The following KCNJ6 variants were observed in gnomAD, a reference collection of about 807,000 sequenced individuals.
KCNJ6 encodes potassium inwardly rectifying channel subfamily J member 6.
KCNJ6 carries 9 observed loss-of-function variants against 34.2 expected under a neutral mutation model. The observed-to-expected ratio is 0.26, with a 90% CI of 0.16 to 0.46. The LOEUF is 0.46. Among genes scored for constraint, KCNJ6 ranks in the 20% least tolerant of loss-of-function variants. KCNJ6 has a pLI of 1.00. For missense variants in KCNJ6, 236 were observed against 531.3 expected (o/e 0.44, Z 5.46); for synonymous variants, 196 against 207.1 (o/e 0.95, Z 0.46).
chr21:37,875,055 G>A (rs1255067884), intron 1 of KCNJ6, among the ~76,000 whole-genome samples: 5 of 152,126 alleles, frequency 3.3e-5, no homozygotes, highest in African/African-American at 9.7e-5. Flanking sequence ...GTCTGTTTCC[G>A]ACGATTGGCG....
At chr21:37,774,211 G>A (rs2055130981) in intron 2 of KCNJ6, among the ~76,000 whole-genome samples, 1 of 151,948 alleles carries the variant, frequency 6.6e-6, no homozygotes, top group African/African-American at 2.4e-5. Flanking sequence ...AATCTCTCTG[G>A]GCCTCAGTTT....
intron 3 of KCNJ6, among the ~76,000 whole-genome samples, chr21:37,667,160 A>AAAG (rs1445271508): frequency 9.4e-6 from 1 of 106,668 alleles, no homozygotes; most frequent in African/African-American, 3.0e-5. Flanking sequence ...ATACTAAAAA[A>AAAG]AAAAAAAAAA....
chr21:37,676,818 A>G (rs1028639011), intron 3 of KCNJ6, among the ~76,000 whole-genome samples: 6 of 152,246 alleles, frequency 3.9e-5, no homozygotes, highest in African/African-American at 1.4e-4. Context: ...CCCCTGCAAC[A>G]GAGAGTGACC....
intron 2 of KCNJ6, among the ~76,000 whole-genome samples, chr21:37,790,188 T>C (rs753982096): frequency 2.6e-5 from 4 of 152,206 alleles, no homozygotes; most frequent in Non-Finnish European, 5.9e-5. Context: ...AGCATCAATC[T>C]TAGTGCTTTT....
chr21:37,741,783 T>C (rs551729351), intron 2 of KCNJ6, among the ~76,000 whole-genome samples: 5 of 152,352 alleles, frequency 3.3e-5, no homozygotes, highest in African/African-American at 1.2e-4. Context: ...TCTCCATCTT[T>C]CACCCCACTG....
rs192599666 is a variant in KCNJ6, at chr21:37,872,400, G to T, written c.-27-31691C>A. 3.3e-5 allele frequency among the ~76,000 whole-genome samples: 5 copies of T among 152,290 alleles called. No individual in the cohort carries two copies. The East Asian group carries it at 7.7e-4, about 24-fold the overall frequency. On this transcript the variant is annotated intron_variant, in intron 1 of 3. Coordinates refer to ENST00000609713, the MANE Select transcript of KCNJ6 (RefSeq NM_002240.5). ...GGATCTTACAAAGTCAAAGGGCAAGGCTTCCTCTGTGTCACCGGCATTAGT... is the reference window on the plus strand; with the variant it reads ...GGATCTTACAAAGTCAAAGGGCAAGTCTTCCTCTGTGTCACCGGCATTAGT...
chr21:37,814,574 C>T (rs533627141), intron 2 of KCNJ6, among the ~76,000 whole-genome samples: 20 of 152,168 alleles, frequency 1.3e-4, no homozygotes, highest in Non-Finnish European at 2.8e-4. Context: ...ATGTGGTATA[C>T]GTACACAATG....
intron 1 of KCNJ6, among the ~76,000 whole-genome samples, chr21:37,869,992 CA>C (rs1360330585): frequency 6.6e-6 from 1 of 152,084 alleles, no homozygotes; most frequent in Non-Finnish European, 1.5e-5. Flanking sequence ...GAGGGTAGGC[CA>C]AGACAAGGCA....
intron 1 of KCNJ6, among the ~76,000 whole-genome samples, chr21:37,905,520 A>G (rs754134937): frequency 2.0e-4 from 30 of 152,184 alleles, no homozygotes; most frequent in Non-Finnish European, 3.7e-4. Flanking sequence ...CTCATAGGAA[A>G]GCCCTCTTTC....
chr21:37,754,772 C>G (rs2055015339), intron 2 of KCNJ6, among the ~76,000 whole-genome samples: 1 of 152,174 alleles, frequency 6.6e-6, no homozygotes, highest in South Asian at 2.1e-4. Flanking sequence ...ACATTTCCTG[C>G]CTAAGATATT....
intron 3 of KCNJ6, among the ~76,000 whole-genome samples, chr21:37,690,340 T>C (rs183618694): frequency 1.3e-5 from 2 of 152,330 alleles, no homozygotes; most frequent in East Asian, 3.9e-4. Context: ...TTGTCAATGA[T>C]ACATAAAAAG....
chr21:37,650,488 A>G (rs1214978980), intron 3 of KCNJ6, among the ~76,000 whole-genome samples: 1 of 152,042 alleles, frequency 6.6e-6, no homozygotes, highest in Non-Finnish European at 1.5e-5. Context: ...CTCAACAAAG[A>G]CGGCAACTGG....
Position 37,878,776 on chromosome 21 carries a change from G to A in KCNJ6, c.-28+37108C>T, listed in dbSNP as rs138960130. Among the ~76,000 whole-genome samples, 804 of 152,278 alleles carry A rather than the reference G, an allele frequency of 5.3e-3. 4 individuals carry two copies. The highest frequency in any genetic ancestry group is 9.1e-3 in the Non-Finnish European group (617 of 68,008). On this transcript the variant is annotated intron_variant, in intron 1 of 3. Transcript: ENST00000609713. The stretch of plus-strand genomic sequence containing the variant: ...GGGAAAGAGGGTCCGGGAGGGAAAG[G>A]TAGAGCGGTATGTGGGAGGGGGACA...
At chr21:37,762,361 G>A (rs1190948981) in intron 2 of KCNJ6, among the ~76,000 whole-genome samples, 3 of 152,200 alleles carry the variant, frequency 2.0e-5, no homozygotes, top group Non-Finnish European at 4.4e-5. Context: ...GCCCTTTAGA[G>A]TAAGGGATGT....
At chr21:37,823,947 C>CTAGAAAG (rs147975065) in intron 2 of KCNJ6, among the ~76,000 whole-genome samples, 1 of 104,538 alleles carries the variant, frequency 9.6e-6, no homozygotes, top group Non-Finnish European at 2.2e-5. Context: ...CTTGAAATTG[C>CTAGAAAG]TAGATCTTAA....
At chr21:37,897,236 T>C (rs971984326) in intron 1 of KCNJ6, among the ~76,000 whole-genome samples, 1 of 152,178 alleles carries the variant, frequency 6.6e-6, no homozygotes, top group Non-Finnish European at 1.5e-5. Context: ...CCCCCATTGG[T>C]GCGTGGACTC....
At chr21:37,872,369 G>A (rs573016214) in intron 1 of KCNJ6, among the ~76,000 whole-genome samples, 113 of 152,276 alleles carry the variant, frequency 7.4e-4, no homozygotes, top group African/African-American at 2.6e-3. Context: ...CAGTTGCCTG[G>A]AGTCTGGATC....
chr21:37,723,251 CTAT>C (rs753219311), intron 2 of KCNJ6, among the ~76,000 whole-genome samples: 9 of 152,200 alleles, frequency 5.9e-5, no homozygotes, highest in Admixed American at 4.6e-4. Flanking sequence ...GTCAGAATGG[CTAT>C]TATTAAAAAG....
At chr21:37,764,988 A>G (rs192694326) in intron 2 of KCNJ6, among the ~76,000 whole-genome samples, 2 of 152,336 alleles carry the variant, frequency 1.3e-5, no homozygotes, top group Admixed American at 1.3e-4. Flanking sequence ...GTACTGGCCT[A>G]TGAGAGCCAA....
Sources: allele counts gnomAD v4.1 joint callset (sites outside exome capture counted in the v4.1 genomes callset), GRCh38; gene constraint gnomAD v4.1.1; transcripts MANE v1.5; gene names NCBI Gene and HGNC (gene_info 2026-07-23, HGNC 2026-07-21).